NECTIN3: variants seen among roughly 807,000 people sequenced by gnomAD.
The protein encoded by NECTIN3 is nectin-3.
In NECTIN3, 8 loss-of-function variants were observed where a neutral mutation model predicts 49.4. The observed-to-expected ratio is 0.16, with a 90% confidence interval of 0.10 to 0.29. NECTIN3 has a LOEUF of 0.29. Among genes scored for constraint, NECTIN3 ranks in the 10% least tolerant of loss-of-function variants. NECTIN3 has a pLI of 1.00. For missense variants in NECTIN3, 581 were observed against 654.6 expected (o/e 0.89, Z 1.23); for synonymous variants, 277 against 241.1 (o/e 1.15, Z -1.38).
Position 111,134,800 on chromosome 3 carries a change from G to C in NECTIN3, c.*585G>C. ...AATCTTTACCTCTGCATATTAATGA[G>C]CCTTGCCATAATTACTGTAGAGTGG... is the stretch of plus-strand genomic sequence containing the variant. On this transcript the variant is annotated 3_prime_UTR_variant, in exon 6 of 6. Transcript: ENST00000485303. 1.0e-6 allele frequency: 1 copy of C among 980,588 alleles called. No individual in the cohort carries two copies. The highest frequency in any genetic ancestry group is 1.2e-6 in the Non-Finnish European group (1 of 825,822). The allele number at this position is 980,588 out of a possible 1,614,324, so 60.7% of individuals were successfully genotyped here. A position where few individuals can be genotyped will look rare whatever the true frequency, so the allele number is the denominator to read the frequency against.
chr3:111,113,982 CTAAATAAATAAA>C lies in NECTIN3; in HGVS notation c.502+1627_502+1638del, dbSNP rs545454977. 3.2e-3 allele frequency among the ~76,000 whole-genome samples: 483 copies of C among 151,948 alleles called. 3 individuals carry two copies. Among genetic ancestry groups the C allele is most frequent in the African/African-American group, 0.01 (424 of 41,438 alleles). ...TGGGCAACAGAATGAGACTGTGTCT[CTAAATAAATAAA>C]TAAATAAATAAATAACAAGTACTTT... On this transcript the variant is annotated intron_variant, in intron 2 of 5. Coordinates refer to ENST00000485303, the MANE Select transcript of NECTIN3 (RefSeq NM_015480.3).
intron 1 of NECTIN3, among the ~76,000 whole-genome samples, chr3:111,096,297 G>T (rs951685720): frequency 2.6e-5 from 4 of 152,148 alleles, no homozygotes; most frequent in African/African-American, 7.2e-5. Flanking sequence ...AGTATCTGGT[G>T]GGAGAAATTT....
chr3:111,192,390 G>C, exon 1 of NECTIN3: 1 of 1,535,952 alleles, frequency 6.5e-7, no homozygotes. Context: ...CAAAGAAAGA[G>C]AAGTTGGCAA....
chr3:111,114,742 G>A (rs2033617375), intron 2 of NECTIN3, among the ~76,000 whole-genome samples: 1 of 152,138 alleles, frequency 6.6e-6, no homozygotes, highest in South Asian at 2.1e-4. Flanking sequence ...AACAGAAAAT[G>A]ATATGCAGTT....
chr3:111,123,141 A>T (rs555042348), intron 4 of NECTIN3, among the ~76,000 whole-genome samples: 1 of 152,144 alleles, frequency 6.6e-6, no homozygotes, highest in Non-Finnish European at 1.5e-5. Context: ...TTCATTAGAG[A>T]ATGAGAAGAT....
intron 7 of NECTIN3, among the ~76,000 whole-genome samples, chr3:111,174,424 G>C (rs186981902): frequency 2.0e-5 from 3 of 152,090 alleles, no homozygotes; most frequent in African/African-American, 7.2e-5. Flanking sequence ...GCTTGACCGT[G>C]GGGTTCTGTA....
At chr3:111,152,369 C>T (rs78177458) in intron 7 of NECTIN3, among the ~76,000 whole-genome samples, 1,666 of 151,734 alleles carry the variant, frequency 0.011, 34 homozygotes, top group African/African-American at 0.038. Flanking sequence ...TATAAAAATA[C>T]CTGTTTCTCC....
chr3:111,139,564 C>G (rs1279181550), downstream of NECTIN3, among the ~76,000 whole-genome samples: 1 of 151,726 alleles, frequency 6.6e-6, no homozygotes, highest in Non-Finnish European at 1.5e-5. Context: ...TACATGCCTA[C>G]TTTTTTGTGT....
At chr3:111,098,928 T>TAA (rs371816550) in intron 1 of NECTIN3, among the ~76,000 whole-genome samples, 1,614 of 139,820 alleles carry the variant, frequency 0.012, 28 homozygotes, top group African/African-American at 0.039. Context: ...AACGTTAGTT[T>TAA]AAAAAAAAAA....
chr3:111,129,582 A>T (rs2034300616), intron 5 of NECTIN3, among the ~76,000 whole-genome samples: 2 of 152,228 alleles, frequency 1.3e-5, no homozygotes, highest in South Asian at 4.1e-4. Context: ...TTAAAAAGGG[A>T]AATCAAATTT....
At chr3:111,076,708 G>A (rs547612044) in intron 1 of NECTIN3, among the ~76,000 whole-genome samples, 2 of 152,176 alleles carry the variant, frequency 1.3e-5, no homozygotes, top group Non-Finnish European at 2.9e-5. Flanking sequence ...AGTGGCTCAC[G>A]CCTGTAATCC....
chr3:111,193,052 G>C, intron 1 of NECTIN3: 1 of 679,576 alleles, frequency 1.5e-6, no homozygotes. Flanking sequence ...AATATAAGTT[G>C]TTGAACTTTA....
chr3:111,119,046 T>G, intron 3 of NECTIN3, 94 bp downstream of exon 3: 1 of 1,143,764 alleles, frequency 8.7e-7, no homozygotes, highest in South Asian at 1.7e-5. Context: ...TCCTTGTTTT[T>G]GTTTTTCTTT....
At chr3:111,127,466 T>C (rs1268901894) in intron 5 of NECTIN3, among the ~76,000 whole-genome samples, 12 of 89,518 alleles carry the variant, frequency 1.3e-4, no homozygotes, top group African/African-American at 2.6e-4. Flanking sequence ...GCAAACTTTC[T>C]TTTTTTTTTT....
At chr3:111,118,218 G>T (rs2033769847) in intron 2 of NECTIN3, among the ~76,000 whole-genome samples, 3 of 113,558 alleles carry the variant, frequency 2.6e-5, no homozygotes, top group Admixed American at 1.0e-4. Context: ...AAAAGTATTT[G>T]CTTTAAAATT....
intron 7 of NECTIN3, among the ~76,000 whole-genome samples, chr3:111,150,912 A>G (rs1276869612): frequency 6.6e-6 from 1 of 151,970 alleles, no homozygotes; most frequent in East Asian, 1.9e-4. Flanking sequence ...CTTAGTTTAA[A>G]TGAATAACAT....
intron 1 of NECTIN3, among the ~76,000 whole-genome samples, chr3:111,090,882 A>G: frequency 6.7e-6 from 1 of 149,072 alleles, no homozygotes; most frequent in Admixed American, 6.7e-5. Context: ...GCACCAGCCT[A>G]TTTAAAACCA....
intron 1 of NECTIN3, among the ~76,000 whole-genome samples, chr3:111,193,997 G>T (rs1161778023): frequency 1.3e-5 from 2 of 152,132 alleles, no homozygotes; most frequent in African/African-American, 2.4e-5. Context: ...TATATTCTTT[G>T]TTGAGCACTG....
chr3:111,171,606 C>A (rs1001564106), intron 7 of NECTIN3, among the ~76,000 whole-genome samples: 4 of 152,060 alleles, frequency 2.6e-5, no homozygotes, highest in African/African-American at 9.7e-5. Flanking sequence ...GGTGCTTTTA[C>A]ATCTTTGTGG....
Sources: allele counts gnomAD v4.1 joint callset (sites outside exome capture counted in the v4.1 genomes callset), GRCh38; gene constraint gnomAD v4.1.1; transcripts MANE v1.5; gene names NCBI Gene and HGNC (gene_info 2026-07-23, HGNC 2026-07-21).